Variants in LRBA observed in about 807,000 individuals in gnomAD.
The protein encoded by LRBA is LPS responsive beige-like anchor protein.
In LRBA, 176 loss-of-function variants were observed where a neutral mutation model predicts 330.0. That is an observed-to-expected ratio of 0.53 (90% confidence interval 0.47 to 0.60). The LOEUF is 0.60. LRBA is among the 20% of genes least tolerant of loss of function. LRBA has a pLI of 0.00. For missense variants in LRBA, 3,259 were observed against 3,444.8 expected (o/e 0.95, Z 1.35); for synonymous variants, 1,230 against 1,193.0 (o/e 1.03, Z -0.64).
chr4:150,462,055 G>A (rs1226410365), intron 44 of LRBA, among the ~76,000 whole-genome samples: 1 of 151,766 alleles, frequency 6.6e-6, no homozygotes, highest in Admixed American at 6.6e-5. Context: ...TTCCTGCGCT[G>A]ATTATAAATT....
chr4:150,357,862 T>A (rs907804412), intron 47 of LRBA, among the ~76,000 whole-genome samples: 22 of 152,068 alleles, frequency 1.4e-4, no homozygotes, highest in Admixed American at 1.4e-3. Flanking sequence ...TGCCATGAAA[T>A]TTCAAATACT....
At chr4:150,689,355 T>C (rs1003943656) in intron 36 of LRBA, among the ~76,000 whole-genome samples, 3 of 152,006 alleles carry the variant, frequency 2.0e-5, no homozygotes, top group Non-Finnish European at 2.9e-5. Context: ...AAATACCTAA[T>C]GCAGATGACA....
chr4:150,646,289 A>G (rs1411360779), intron 37 of LRBA, among the ~76,000 whole-genome samples: 1 of 152,064 alleles, frequency 6.6e-6, no homozygotes. Context: ...AGAAGGATAA[A>G]TAACAGTTAT....
At chr4:150,660,486 G>A (rs924885723) in intron 37 of LRBA, among the ~76,000 whole-genome samples, 1 of 151,526 alleles carries the variant, frequency 6.6e-6, no homozygotes, top group Admixed American at 6.6e-5. Flanking sequence ...GGTGGGGGGG[G>A]TCAGCCCCCC....
intron 33 of LRBA, among the ~76,000 whole-genome samples, chr4:150,799,321 G>C (rs1462688861): frequency 6.6e-6 from 1 of 152,188 alleles, no homozygotes; most frequent in Non-Finnish European, 1.5e-5. Context: ...TAACTACAGT[G>C]TGATTTCTGT....
intron 48 of LRBA, among the ~76,000 whole-genome samples, chr4:150,349,506 A>G (rs1736853753): frequency 6.6e-6 from 1 of 152,208 alleles, no homozygotes; most frequent in South Asian, 2.1e-4. Flanking sequence ...ATAAATGACA[A>G]GAATAAAACA....
At position 150,516,215 on chromosome 4, in the gene LRBA, C is replaced by CTTTTTTTTTTTTTTTTTTTTTTTTT. The variant is rs1384014823; in HGVS notation, c.6331-25181_6331-25180insAAAAAAAAAAAAAAAAAAAAAAAAA. On this transcript the variant is annotated intron_variant, in intron 40 of 56. Transcript: ENST00000651943. ...GTAATTCAGTCTGACATTTTCTATT[C>CTTTTTTTTTTTTTTTTTTTTTTTTT]TCTTTTTTTTTTTTTTTTTTTTTTT... Among the ~76,000 whole-genome samples the CTTTTTTTTTTTTTTTTTTTTTTTTT allele has an allele frequency of 6.9e-5, 6 of 86,712 alleles. 3 individuals carry two copies. Among genetic ancestry groups the CTTTTTTTTTTTTTTTTTTTTTTTTT allele is most frequent in the Non-Finnish European group, 4.4e-5 (2 of 45,162 alleles). The allele number at this position is 86,712 out of a possible 152,430, so 56.9% of individuals were successfully genotyped here.
At chr4:150,399,538 C>T (rs1326635915) in intron 47 of LRBA, among the ~76,000 whole-genome samples, 2 of 152,288 alleles carry the variant, frequency 1.3e-5, no homozygotes, top group South Asian at 4.2e-4. Context: ...CTCAACATCT[C>T]ATGGTGAAAA....
chr4:150,723,825 C>T (rs1366104244), intron 36 of LRBA, among the ~76,000 whole-genome samples: 1 of 152,170 alleles, frequency 6.6e-6, no homozygotes, highest in Non-Finnish European at 1.5e-5. Flanking sequence ...CAGAGGGGAG[C>T]TCACTGACCT....
At chr4:150,293,005 A>C (rs1234561956) in intron 53 of LRBA, among the ~76,000 whole-genome samples, 1 of 152,164 alleles carries the variant, frequency 6.6e-6, no homozygotes, top group Non-Finnish European at 1.5e-5. Context: ...TAAAAAAAGT[A>C]ATAATTTCAA....
intron 45 of LRBA, among the ~76,000 whole-genome samples, chr4:150,436,269 A>G (rs1751097178): frequency 1.3e-5 from 2 of 152,188 alleles, no homozygotes; most frequent in South Asian, 4.1e-4. Context: ...ATTGCTTTCT[A>G]GTAGATGAAT....
Position 150,852,210 on chromosome 4 carries a change from G to C in LRBA, c.3500C>G (p.Thr1167Ser). 6.2e-7 allele frequency: 1 copy of C among 1,614,086 alleles called. No individual in the cohort carries two copies. Among genetic ancestry groups the C allele is most frequent in the East Asian group, 2.2e-5 (1 of 44,880 alleles). Residue 1167 changes from threonine to serine, a missense_variant, in exon 23 of 57, where the codon ACT (threonine) becomes AGT (serine). By Grantham distance (58) the Thr-to-Ser change is moderately conservative. Coordinates refer to ENST00000651943, the MANE Select transcript of LRBA (RefSeq NM_001364905.1). ...TTTAGAATCTTGAGTTTCAGTATCAGTTTGCTTTTCAGTAACAGGTTTTCC... is the reference window on the plus strand; with the variant it reads ...TTTAGAATCTTGAGTTTCAGTATCACTTTGCTTTTCAGTAACAGGTTTTCC... Reference protein sequence around the residue: ...QEGKPVTEKQTDTETQDSKDS... With the variant: ...QEGKPVTEKQSDTETQDSKDS...
chr4:150,767,924 C>T (rs1023980083), intron 34 of LRBA, among the ~76,000 whole-genome samples: 1 of 151,022 alleles, frequency 6.6e-6, no homozygotes, highest in African/African-American at 2.4e-5. Flanking sequence ...ATTAGTCAGG[C>T]GTGGTGGTGC....
intron 2 of LRBA, among the ~76,000 whole-genome samples, chr4:151,005,572 T>TTTTTTTTTGG (rs1743963970): frequency 6.7e-5 from 9 of 134,702 alleles, no homozygotes; most frequent in East Asian, 2.1e-4. Context: ...TTTTTTTTTT[T>TTTTTTTTTGG]GGAGACAGAG....
chr4:150,999,771 C>T (rs1022301624), intron 2 of LRBA, among the ~76,000 whole-genome samples: 1 of 151,684 alleles, frequency 6.6e-6, no homozygotes, highest in African/African-American at 2.4e-5. Flanking sequence ...AAACTTAATC[C>T]ATACGTTCTG....
At chr4:150,749,126 A>C (rs767518768) in intron 35 of LRBA, among the ~76,000 whole-genome samples, 10 of 152,188 alleles carry the variant, frequency 6.6e-5, no homozygotes, top group Non-Finnish European at 1.3e-4. Flanking sequence ...AAATGGATCA[A>C]AGACCTAAAT....
In LRBA at chr4:150,435,162, T is replaced by C. The variant is rs569359284; in HGVS notation, c.7041+427A>G. The stretch of plus-strand genomic sequence containing the variant: ...GAGTTCCAGACCAGTCTGGCCAACA[T>C]GGTGAAACCCCATCTCTACTAAAAA... On this transcript the variant is annotated intron_variant, in intron 46 of 56. Coordinates refer to ENST00000651943, the MANE Select transcript of LRBA (RefSeq NM_001364905.1). Among the ~76,000 whole-genome samples, 7 of 151,938 alleles carry C rather than the reference T, an allele frequency of 4.6e-5. No homozygotes were observed. In the East Asian group the frequency reaches 1.4e-3, roughly 30 times the overall value.
intron 56 of LRBA, among the ~76,000 whole-genome samples, chr4:150,277,364 T>C (rs1409397178): frequency 6.6e-6 from 1 of 152,240 alleles, no homozygotes; most frequent in African/African-American, 2.4e-5. Flanking sequence ...GGCACATGTA[T>C]ACCTATGTAA....
chr4:150,358,030 G>C (rs756264989), intron 47 of LRBA, among the ~76,000 whole-genome samples: 2 of 151,998 alleles, frequency 1.3e-5, no homozygotes, highest in Non-Finnish European at 2.9e-5. Flanking sequence ...TTCTATTCCT[G>C]AGATAAGAAA....
Sources: gnomAD v4.1 joint callset for allele counts (sites outside exome capture counted in the v4.1 genomes callset) on GRCh38, gnomAD v4.1.1 for gene constraint, MANE v1.5 for transcripts, NCBI Gene and HGNC (gene_info 2026-07-23, HGNC 2026-07-21) for gene names.